Variants in MTAP observed in about 807,000 individuals in gnomAD.
MTAP encodes methylthioadenosine phosphorylase, also known as S-methyl-5'-thioadenosine phosphorylase.
MTAP carries 33 observed loss-of-function variants against 33.6 expected under a neutral mutation model. The ratio of observed to expected loss-of-function variants is 0.98; its 90% confidence interval spans 0.74 to 1.31. MTAP has a LOEUF of 1.31. Ranked by LOEUF, MTAP falls within the 40% of genes most tolerant of loss-of-function variation. The pLI, the probability that MTAP is intolerant of heterozygous loss-of-function variation, is 0.00. For synonymous variants in MTAP, 148 were observed against 125.7 expected (o/e 1.18, Z -1.19); for missense variants, 367 against 360.0 (o/e 1.02, Z -0.16).
At chr9:21,884,278 A>G (rs1010286375) in intron 1 of MTAP, among the ~76,000 whole-genome samples, 3 of 152,170 alleles carry the variant, frequency 2.0e-5, no homozygotes, top group African/African-American at 7.2e-5. Context: ...AAACGGTCAT[A>G]GACGTTTTGT....
chr9:21,925,050 T>C (rs1219570722), intron 1 of MTAP, among the ~76,000 whole-genome samples: 3 of 152,228 alleles, frequency 2.0e-5, no homozygotes, highest in African/African-American at 7.2e-5. Context: ...GTGGCTACCC[T>C]GTATGGGCCA....
At chr9:21,803,374 GTAATACTGTAAGAAT>G (rs1301071488) in intron 1 of MTAP, 1 of 159,208 alleles carries the variant, frequency 6.3e-6, no homozygotes, top group African/African-American at 2.4e-5. Context: ...CCCCAGCAGC[GTAATACTGTAAGAAT>G]TCTGAGACTT....
chr9:21,852,972 A>T (rs1825553720), intron 5 of MTAP, among the ~76,000 whole-genome samples: 1 of 152,182 alleles, frequency 6.6e-6, no homozygotes, highest in Non-Finnish European at 1.5e-5. Context: ...GAGGTAAGAA[A>T]ATGAAATCAT....
exon 8 of MTAP, chr9:21,936,394 C>T (rs938744063): frequency 2.6e-5 from 4 of 152,184 alleles, no homozygotes; most frequent in Non-Finnish European, 5.9e-5. Flanking sequence ...TCACATAGTT[C>T]AGACTGCTCT....
At chr9:21,917,776 G>C (rs780928345) in intron 1 of MTAP, among the ~76,000 whole-genome samples, 7 of 152,138 alleles carry the variant, frequency 4.6e-5, no homozygotes, top group Non-Finnish European at 7.4e-5. Context: ...ATATAAAAAA[G>C]ACACATGTAC....
At chr9:21,869,079 T>C (rs185888539), downstream of MTAP, among the ~76,000 whole-genome samples, 68 of 152,310 alleles carry the variant, frequency 4.5e-4, no homozygotes, top group African/African-American at 1.5e-3. Context: ...TTTCTCCTTA[T>C]TATTGAATCA....
chr9:21,821,932 A>G (rs1824652620), intron 4 of MTAP, among the ~76,000 whole-genome samples: 3 of 152,166 alleles, frequency 2.0e-5, no homozygotes, highest in African/African-American at 4.8e-5. Flanking sequence ...TGTTTATAGT[A>G]TGCTCTGATG....
intron 4 of MTAP, among the ~76,000 whole-genome samples, chr9:21,824,412 C>T (rs146762928): frequency 4.5e-4 from 69 of 152,308 alleles, no homozygotes; most frequent in Middle Eastern, 3.4e-3. Flanking sequence ...GGCTGCAGAA[C>T]GGCGAATGTT....
At chr9:21,925,634 T>C (rs150976077) in intron 1 of MTAP, among the ~76,000 whole-genome samples, 1 of 152,324 alleles carries the variant, frequency 6.6e-6, no homozygotes, top group Non-Finnish European at 1.5e-5. Context: ...GAAAAATCCC[T>C]ACATGGCTTG....
intron 1 of MTAP, among the ~76,000 whole-genome samples, chr9:21,915,009 TTCCTTCC>T (rs1482577872): frequency 3.1e-4 from 8 of 25,490 alleles, no homozygotes; most frequent in Middle Eastern, 0.01. Context: ...CTTTCCTTCC[TTCCTTCC>T]TTCCTTCCTT....
intron 1 of MTAP, among the ~76,000 whole-genome samples, chr9:21,905,685 AAGAG>A (rs1159618973): frequency 1.3e-5 from 2 of 152,198 alleles, no homozygotes; most frequent in African/African-American, 2.4e-5. Flanking sequence ...AAACAGCACT[AAGAG>A]AGAAAGAAGG....
At chr9:21,873,610 G>GCCCCC (rs1214638550) in intron 1 of MTAP, among the ~76,000 whole-genome samples, 1 of 76,162 alleles carries the variant, frequency 1.3e-5, no homozygotes, top group Non-Finnish European at 2.2e-5. Context: ...TTCCACCCCC[G>GCCCCC]CCCCCCACCC....
intron 5 of MTAP, 143 bp downstream of exon 5, chr9:21,838,153 A>C: frequency 1.6e-6 from 1 of 633,360 alleles, no homozygotes; most frequent in Non-Finnish European, 2.8e-6. Flanking sequence ...ATGAAGAGTT[A>C]TTTCCTGTTG....
downstream of MTAP, chr9:21,934,806 T>C (rs55697236): frequency 0.024 from 3,653 of 152,158 alleles, 109 homozygotes; most frequent in East Asian, 0.13. The surrounding 1 kb of genome is among the most constrained non-coding windows in gnomAD (Gnocchi z 5.0). Flanking sequence ...GTTCAAGCGA[T>C]TCTCCTACCT....
At chr9:21,938,174 T>G (rs1819070714), downstream of MTAP, among the ~76,000 whole-genome samples, 1 of 151,520 alleles carries the variant, frequency 6.6e-6, no homozygotes. Context: ...CTTGGGAGGC[T>G]GAGGCAGGAG....
chr9:21,806,573 A>G (rs1824213520), intron 1 of MTAP, among the ~76,000 whole-genome samples: 1 of 152,058 alleles, frequency 6.6e-6, no homozygotes, highest in East Asian at 1.9e-4. Context: ...GAGTAATTCA[A>G]GCAATCTTTT....
At chr9:21,886,062 A>G (rs183119169) in intron 1 of MTAP, among the ~76,000 whole-genome samples, 1 of 151,454 alleles carries the variant, frequency 6.6e-6, no homozygotes, top group Non-Finnish European at 1.5e-5. Flanking sequence ...TGGTTGTACT[A>G]GTTTACATGC....
intron 1 of MTAP, among the ~76,000 whole-genome samples, chr9:21,878,279 T>A (rs1303098121): frequency 6.6e-6 from 1 of 152,112 alleles, no homozygotes; most frequent in Non-Finnish European, 1.5e-5. Context: ...GGTTTATCAA[T>A]CTGAGTTATT....
chr9:21,903,122 C>T (rs982716172), intron 1 of MTAP, among the ~76,000 whole-genome samples: 1 of 152,118 alleles, frequency 6.6e-6, no homozygotes, highest in African/African-American at 2.4e-5. Flanking sequence ...TTTCCGGCTG[C>T]TTTCTGTAGC....
Sources: allele counts gnomAD v4.1 joint callset (sites outside exome capture counted in the v4.1 genomes callset), GRCh38; gene constraint gnomAD v4.1.1; non-coding constraint Gnocchi (gnomAD v3.1); transcripts MANE v1.5; gene names NCBI Gene and HGNC (gene_info 2026-07-23, HGNC 2026-07-21).